The following SLC6A20 variants were observed in gnomAD, a reference collection of about 807,000 sequenced individuals.
SLC6A20 encodes solute carrier family 6 member 20.
Under a neutral mutation model 64.3 loss-of-function variants are expected in SLC6A20, and 73 were observed. The observed-to-expected ratio is 1.14, with a 90% CI of 0.94 to 1.38. The LOEUF (loss-of-function observed/expected upper bound fraction) is 1.38, where lower values mean the gene tolerates loss of function less well. SLC6A20 is among the 40% of genes most tolerant of loss of function. The pLI is 0.00. For synonymous variants in SLC6A20, 347 were observed against 329.6 expected, an observed-to-expected ratio of 1.05 and a Z score of -0.57; for missense variants, 725 against 772.8, an observed-to-expected ratio of 0.94 and a Z score of 0.73.
At chr3:45,786,326 C>T (rs556268074) in intron 1 of SLC6A20, among the ~76,000 whole-genome samples, 2 of 152,360 alleles carry the variant, frequency 1.3e-5, no homozygotes, top group African/African-American at 4.8e-5. Context: ...CACAAGCCCA[C>T]AAGGCCTCTA....
chr3:45,786,078 C>A (rs954032899), intron 1 of SLC6A20, among the ~76,000 whole-genome samples: 3 of 152,176 alleles, frequency 2.0e-5, no homozygotes, highest in Admixed American at 2.0e-4. Flanking sequence ...CTCAGGCACC[C>A]ACAGAACTGT....
At chr3:45,769,516 AAATAAATTGCAGTATTGTTGTGTGATGG>A (rs150628438) in intron 7 of SLC6A20, among the ~76,000 whole-genome samples, 11,999 of 152,088 alleles carry the variant, frequency 0.079, 570 homozygotes, top group East Asian at 0.16. Context: ...GGGAATGGAT[AAATAAATTGCAGTATTGTTGTGTGATGG>A]AATAAAATGC....
rs563658509 is a variant in SLC6A20 at position 45,757,171 on chromosome 3, A to T, written c.*1807T>A. 8.8e-6 allele frequency: 1 copy of T among 113,040 alleles called. No individual in the cohort carries two copies. Among genetic ancestry groups the T allele is most frequent in the East Asian group, 2.6e-4 (1 of 3,896 alleles). 7.0% of individuals were successfully genotyped at this position (113,040 alleles called of 1,614,324 possible). A position where few individuals can be genotyped will look rare whatever the true frequency, so the allele number is the denominator to read the frequency against. ...GCGGTTTTCTCCTATCTCAGAATAG[A>T]ACGAATGGGAATGGTCAGCTTTTTA... On this transcript the variant is annotated 3_prime_UTR_variant, in exon 11 of 11. Coordinates refer to ENST00000358525, the MANE Select transcript of SLC6A20 (RefSeq NM_020208.4).
rs1212277500 is a variant in SLC6A20, at chr3:45,758,818, C to T, written c.*160G>A. 3.7e-6 allele frequency: 5 copies of T among 1,365,950 alleles called. No individual in the cohort carries two copies. In the Admixed American group the frequency reaches 1.0e-4, roughly 28 times the overall value. 84.6% of individuals were successfully genotyped at this position (1,365,950 alleles called of 1,614,324 possible). On this transcript the variant is annotated 3_prime_UTR_variant, in exon 11 of 11. Coordinates refer to ENST00000358525, the MANE Select transcript of SLC6A20 (RefSeq NM_020208.4). The stretch of plus-strand genomic sequence containing the variant: ...CCACCACGGGAGGGTGTGCGTTCTC[C>T]CAAGGGAGTTTTCTTCCTGCACACC...
At position 45,780,104 on chromosome 3, in the gene SLC6A20, C is replaced by T. The variant is rs199774047; in HGVS notation, c.263-4G>A. ...GAGACCACCACGCTGGCGACCCCTGCGAGGAAGCAGAGGGCCGCGCTGAGG... is the reference window on the plus strand; with the variant it reads ...GAGACCACCACGCTGGCGACCCCTGTGAGGAAGCAGAGGGCCGCGCTGAGG... On this transcript the variant is annotated splice_region_variant and splice_polypyrimidine_tract_variant and intron_variant, in intron 2 of 10. Coordinates refer to ENST00000358525, the MANE Select transcript of SLC6A20 (RefSeq NM_020208.4). The T allele has an allele frequency of 1.8e-5, 28 of 1,585,328 alleles. No individual in the cohort carries two copies. The highest frequency in any genetic ancestry group is 1.7e-4 in the Middle Eastern group (1 of 6,026).
intron 1 of SLC6A20, among the ~76,000 whole-genome samples, chr3:45,784,102 G>T (rs1480285536): frequency 1.3e-5 from 2 of 152,172 alleles, no homozygotes; most frequent in Non-Finnish European, 2.9e-5. Flanking sequence ...TCTCTGACAG[G>T]GTCTGACTGC....
chr3:45,768,206 GA>G (rs1699804843), intron 7 of SLC6A20, among the ~76,000 whole-genome samples: 1 of 151,970 alleles, frequency 6.6e-6, no homozygotes, highest in South Asian at 2.1e-4. Flanking sequence ...AGGAGGTCAA[GA>G]TACTGTTTAA....
chr3:45,758,283 C>A lies in SLC6A20; in HGVS notation c.*695G>T. ...CTTTTCCAATGCACCAAGACACACA[C>A]CACGGAGGGATGTCTGCACAGACTT... On this transcript the variant is annotated 3_prime_UTR_variant, in exon 11 of 11. Coordinates refer to ENST00000358525, the MANE Select transcript of SLC6A20 (RefSeq NM_020208.4). 2.4e-6 allele frequency: 1 copy of A among 421,118 alleles called. No homozygotes were observed. The highest frequency in any genetic ancestry group is 2.1e-5 in the South Asian group (1 of 47,912). The allele number at this position is 421,118 out of a possible 1,614,324, so 26.1% of individuals were successfully genotyped here.
rs771617011 is a variant in SLC6A20 at position 45,775,937 on chromosome 3, C to A, written c.406G>T (p.Asp136Tyr). 6.2e-7 allele frequency: 1 copy of A among 1,614,216 alleles called. No individual in the cohort carries two copies. Among genetic ancestry groups the A allele is most frequent in the South Asian group, 1.1e-5 (1 of 91,078 alleles). ...GAGGACGCCTTCTCACACTCCTCAT[C>A]GTAGCCCGTGTGGTTACCATTCAGT... ...CPLNGNHTGY[D>Y]EECEKASSTQ... The change falls in exon 4 of 11, where the codon GAT becomes TAT. Residue 136 changes from aspartate (D) to tyrosine (Y), a missense_variant. By Grantham distance (160) the Asp-to-Tyr change is radical. Coordinates refer to ENST00000358525, the MANE Select transcript of SLC6A20 (RefSeq NM_020208.4).
chr3:45,762,889 A>G, intron 9 of SLC6A20, 24 bp downstream of exon 9: 1 of 1,612,476 alleles, frequency 6.2e-7, no homozygotes, highest in Non-Finnish European at 8.5e-7. Context: ...TCCCTATGCA[A>G]ATGAGGGTCC....
intron 7 of SLC6A20, among the ~76,000 whole-genome samples, chr3:45,766,214 C>T (rs77936186): frequency 6.6e-6 from 1 of 152,172 alleles, no homozygotes; most frequent in African/African-American, 2.4e-5. Context: ...GCTGGTAACT[C>T]TGTTGCGGAA....
chr3:45,770,260 G>C lies in SLC6A20; in HGVS notation c.1047C>G (p.Ser349Arg). The C allele has an allele frequency of 6.2e-7, 1 of 1,614,154 alleles. No individual in the cohort carries two copies. The highest frequency in any genetic ancestry group is 8.5e-7 in the Non-Finnish European group (1 of 1,180,030). ...AGTTTTTGATTTGCGGGAACATCTCGCTGTATTTGCTTGGGTAGGCAGATG... is the reference window on the plus strand; with the variant it reads ...AGTTTTTGATTTGCGGGAACATCTCCCTGTATTTGCTTGGGTAGGCAGATG... ...YLASAYPSKYSEMFPQIKNCS... is the reference protein window; with the variant it reads ...YLASAYPSKYREMFPQIKNCS... Residue 349 changes from serine (S) to arginine (R), a missense_variant, in exon 7 of 11, where the codon AGC becomes AGG. Transcript: ENST00000358525.
intron 1 of SLC6A20, among the ~76,000 whole-genome samples, chr3:45,788,952 T>C (rs1475032423): frequency 6.6e-6 from 1 of 152,220 alleles, no homozygotes; most frequent in Non-Finnish European, 1.5e-5. Flanking sequence ...ATCATACTGT[T>C]AATATCATTG....
intron 9 of SLC6A20, 120 bp downstream of exon 9, chr3:45,762,793 A>G: frequency 5.3e-6 from 7 of 1,330,738 alleles, no homozygotes; most frequent in Non-Finnish European, 7.4e-6. Context: ...ACGTTGAGTC[A>G]TGATGCGAAG....
intron 8 of SLC6A20, among the ~76,000 whole-genome samples, 154 bp from the exon 9 acceptor site, chr3:45,763,226 CT>C (rs1699716813): frequency 6.6e-6 from 1 of 152,206 alleles, no homozygotes; most frequent in African/African-American, 2.4e-5. Context: ...TTTGGACTCT[CT>C]GAAGGTGTGT....
In SLC6A20 at chr3:45,776,007, T is replaced by G. The variant is rs202113753; in HGVS notation, c.355-19A>C. 1 of 1,612,040 alleles carries G rather than the reference T, an allele frequency of 6.2e-7. No homozygotes were observed. The highest frequency in any genetic ancestry group is 8.5e-7 in the Non-Finnish European group (1 of 1,178,464). On this transcript the variant is annotated intron_variant, in intron 3 of 10. Coordinates refer to ENST00000358525, the MANE Select transcript of SLC6A20 (RefSeq NM_020208.4). ...GGGGATCCTGTGGGACCAAAGCAAG[T>G]GTTATCCAGGGAGGTGAAGGCTGAG...
rs886058528 is a variant in SLC6A20, at chr3:45,756,395, A to G, written c.*2583T>C. On this transcript the variant is annotated 3_prime_UTR_variant, in exon 11 of 11. Coordinates refer to ENST00000358525, the MANE Select transcript of SLC6A20 (RefSeq NM_020208.4). The stretch of plus-strand genomic sequence containing the variant: ...AAGCCTTGACAGCAGGTTTTTTGAC[A>G]TAAAAGAACCTTCTGATAAGAAGAT... 2.0e-5 allele frequency: 3 copies of G among 152,170 alleles called. No individual in the cohort carries two copies. The East Asian group carries it at 5.8e-4, about 29-fold the overall frequency. The allele number at this position is 152,170 out of a possible 1,614,324, so 9.4% of individuals were successfully genotyped here.
In SLC6A20 at chr3:45,765,664, C is replaced by T. The variant is rs367990468; in HGVS notation, c.1176G>A (p.Ser392=). 26 of 1,614,040 alleles carry T rather than the reference C, an allele frequency of 1.6e-5. No individual in the cohort carries two copies. The highest frequency in any genetic ancestry group is 8.0e-5 in the African/African-American group (6 of 74,910). Residue 392 remains serine (S), a synonymous_variant, in exon 8 of 11, where the codon TCG becomes TCA. Transcript: ENST00000358525. This position sits in a 1 kb window ranked among gnomAD's most constrained non-coding sequence, Gnocchi z 4.2. ...IKNMEVSQLW[S]VLYFFMLLML... is the part of the protein sequence containing the mutation. ...TCAGCAGCATGAAGAAGTAGAGCAC[C>T]GACCACAGCTGGGACACCTCCATGT... is the stretch of plus-strand genomic sequence containing the variant.
At position 45,758,043 on chromosome 3, in the gene SLC6A20, G is replaced by C. The variant is rs911455608; in HGVS notation, c.*935C>G. ...TGATTCTTGTGCCTCAGCAGCCAGA[G>C]TAGCTGGAATTACAGGCCTATGCCA... On this transcript the variant is annotated 3_prime_UTR_variant, in exon 11 of 11. Transcript: ENST00000358525. The C allele has an allele frequency of 1.2e-4, 19 of 155,526 alleles. No individual in the cohort carries two copies. Among genetic ancestry groups the C allele is most frequent in the Admixed American group, 1.2e-3 (18 of 15,466 alleles). The allele number at this position is 155,526 out of a possible 1,614,324, so 9.6% of individuals were successfully genotyped here.
Sources: allele counts gnomAD v4.1 joint callset (sites outside exome capture counted in the v4.1 genomes callset), GRCh38; gene constraint gnomAD v4.1.1; non-coding constraint Gnocchi (gnomAD v3.1); transcripts MANE v1.5; gene names NCBI Gene and HGNC (gene_info 2026-07-23, HGNC 2026-07-21).